Variants in KIAA1217 observed in about 807,000 individuals in gnomAD.
KIAA1217 encodes sickle tail protein homolog.
KIAA1217 carries 88 observed loss-of-function variants against 163.9 expected under a neutral mutation model. That is an observed-to-expected ratio of 0.54 (90% confidence interval 0.45 to 0.64). The LOEUF (loss-of-function observed/expected upper bound fraction) is 0.64, where lower values mean the gene tolerates loss of function less well. Ranked by LOEUF, KIAA1217 falls within the 30% of genes least tolerant of loss-of-function variation. The probability of loss-of-function intolerance (pLI) is 0.00; values close to 1 mark genes in which losing one functional copy is unlikely to be tolerated. For missense variants in KIAA1217, 2,372 were observed against 2,475.0 expected (o/e 0.96, Z 0.88); for synonymous variants, 903 against 923.1 (o/e 0.98, Z 0.39).
chr10:24,354,586 G>A (rs183149424), intron 2 of KIAA1217, among the ~76,000 whole-genome samples: 10 of 152,284 alleles, frequency 6.6e-5, no homozygotes, highest in East Asian at 3.9e-4. Flanking sequence ...TGGTAAATGC[G>A]GGGGATTTTA....
At chr10:24,311,047 G>A (rs770807177) in intron 2 of KIAA1217, among the ~76,000 whole-genome samples, 10 of 152,136 alleles carry the variant, frequency 6.6e-5, no homozygotes, top group Admixed American at 2.0e-4. Flanking sequence ...ATATTTAAAT[G>A]TCAGTTACTA....
At chr10:24,209,987 T>C (rs1270746743) in intron 1 of KIAA1217, among the ~76,000 whole-genome samples, 8 of 152,178 alleles carry the variant, frequency 5.3e-5, no homozygotes, top group Non-Finnish European at 1.0e-4. Context: ...AGGAGGTCCC[T>C]GCTCTCTGGC....
At chr10:24,536,977 C>A (rs760064954) in intron 17 of KIAA1217, 84 bp downstream of exon 17, 91 of 1,492,438 alleles carry the variant, frequency 6.1e-5, no homozygotes, top group Non-Finnish European at 7.9e-5. Context: ...TATACTCGAC[C>A]TTTGTCCCCT....
chr10:24,215,781 C>T (rs2068739636), intron 1 of KIAA1217, among the ~76,000 whole-genome samples: 1 of 152,194 alleles, frequency 6.6e-6, no homozygotes, highest in South Asian at 2.1e-4. Flanking sequence ...TGGAAAGTGG[C>T]GTTAGGTGGC....
chr10:24,183,151 T>C (rs922892974), intron 2 of KIAA1217, among the ~76,000 whole-genome samples: 1 of 152,180 alleles, frequency 6.6e-6, no homozygotes, highest in Admixed American at 6.5e-5. Flanking sequence ...TGACCTTCTC[T>C]ACCATGTATG....
chr10:24,328,533 G>T (rs1230603406), intron 2 of KIAA1217, among the ~76,000 whole-genome samples: 1 of 151,766 alleles, frequency 6.6e-6, no homozygotes, highest in African/African-American at 2.4e-5. Flanking sequence ...ATAAACATTG[G>T]CTCTATGGAA....
intron 2 of KIAA1217, among the ~76,000 whole-genome samples, chr10:24,170,200 C>T (rs1208871373): frequency 6.6e-6 from 1 of 152,180 alleles, no homozygotes; most frequent in African/African-American, 2.4e-5. Context: ...CTTTATTCTA[C>T]ATTCAATATT....
At chr10:23,825,900 C>T (rs910435616) in intron 1 of KIAA1217, among the ~76,000 whole-genome samples, 10 of 152,116 alleles carry the variant, frequency 6.6e-5, no homozygotes, top group Admixed American at 2.0e-4. Context: ...ATGGGGTTAG[C>T]AGTATCAACC....
chr10:24,146,436 ATTT>A, intron 2 of KIAA1217, among the ~76,000 whole-genome samples: 1 of 152,228 alleles, frequency 6.6e-6, no homozygotes, highest in Non-Finnish European at 1.5e-5. Context: ...ATTGGACACA[ATTT>A]AATTATCATC....
intron 1 of KIAA1217, among the ~76,000 whole-genome samples, chr10:23,826,340 A>C (rs917943150): frequency 1.3e-5 from 2 of 152,184 alleles, no homozygotes; most frequent in Admixed American, 1.3e-4. Flanking sequence ...TCAATAGCAA[A>C]TGATACTTTA....
At chr10:24,459,530 A>G (rs1330927072) in intron 5 of KIAA1217, among the ~76,000 whole-genome samples, 3 of 152,160 alleles carry the variant, frequency 2.0e-5, no homozygotes, top group African/African-American at 7.2e-5. Context: ...TGGGCTTTGT[A>G]TATAGGTAGC....
At chr10:24,035,397 G>C (rs1428428778) in intron 2 of KIAA1217, among the ~76,000 whole-genome samples, 24 of 152,128 alleles carry the variant, frequency 1.6e-4, no homozygotes, top group Non-Finnish European at 1.5e-5. Flanking sequence ...TGGGGTACCT[G>C]ATGCCTTTAT....
At chr10:23,943,347 C>G (rs1381232766) in intron 1 of KIAA1217, among the ~76,000 whole-genome samples, 1 of 152,110 alleles carries the variant, frequency 6.6e-6, no homozygotes, top group Admixed American at 6.6e-5. Context: ...TATATTTATA[C>G]AGTAGCAGCA....
At chr10:24,038,105 C>A (rs1848474539) in intron 2 of KIAA1217, among the ~76,000 whole-genome samples, 1 of 152,138 alleles carries the variant, frequency 6.6e-6, no homozygotes, top group Admixed American at 6.5e-5. Flanking sequence ...CATGACCAAG[C>A]AAATGTTTCT....
At chr10:24,237,066 T>C (rs2072382804) in intron 2 of KIAA1217, among the ~76,000 whole-genome samples, 1 of 152,226 alleles carries the variant, frequency 6.6e-6, no homozygotes, top group Non-Finnish European at 1.5e-5. Flanking sequence ...TTAGAAAAAA[T>C]AGCTCATCTA....
chr10:23,788,187 G>C (rs139816617), intron 1 of KIAA1217, among the ~76,000 whole-genome samples: 34 of 152,222 alleles, frequency 2.2e-4, no homozygotes, highest in African/African-American at 7.9e-4. Context: ...AACAGGGCAA[G>C]ACCCTGTTTC....
chr10:23,972,920 A>G (rs755517820), intron 1 of KIAA1217, among the ~76,000 whole-genome samples: 1 of 152,148 alleles, frequency 6.6e-6, no homozygotes, highest in Non-Finnish European at 1.5e-5. Flanking sequence ...GAACACATGG[A>G]CACAGGGAGT....
At chr10:23,818,110 C>CAT (rs71397919) in intron 1 of KIAA1217, among the ~76,000 whole-genome samples, 30,715 of 130,696 alleles carry the variant, frequency 0.24, 4,465 homozygotes, top group African/African-American at 0.35. Flanking sequence ...CACACACACA[C>CAT]ATATATATAT....
At chr10:24,404,550 G>A (rs2056971504) in intron 3 of KIAA1217, among the ~76,000 whole-genome samples, 1 of 96,524 alleles carries the variant, frequency 1.0e-5, no homozygotes, top group South Asian at 3.8e-4. Context: ...GTGGGCAACA[G>A]AATGAGACTC....
Sources: gnomAD v4.1 joint callset for allele counts (sites outside exome capture counted in the v4.1 genomes callset) on GRCh38, gnomAD v4.1.1 for gene constraint, MANE v1.5 for transcripts, NCBI Gene and HGNC (gene_info 2026-07-23, HGNC 2026-07-21) for gene names.